Variants in NLRP1 observed in about 807,000 individuals in gnomAD.
NLRP1 encodes NLR family pyrin domain containing 1.
Under a neutral mutation model 136.7 loss-of-function variants are expected in NLRP1, and 94 were observed. That is an observed-to-expected ratio of 0.69 (90% CI 0.58 to 0.82). The LOEUF is 0.82. NLRP1 is among the 40% of genes least tolerant of loss of function. The pLI is 0.00. For synonymous variants in NLRP1, 690 were observed against 725.1 expected (o/e 0.95, Z 0.78); for missense variants, 1,575 against 1,802.7 (o/e 0.87, Z 2.29).
At chr17:5,506,391 G>A (rs1907336997) in intron 15 of NLRP1, among the ~76,000 whole-genome samples, 1 of 151,984 alleles carries the variant, frequency 6.6e-6, no homozygotes, top group Admixed American at 6.6e-5. Flanking sequence ...GTTAAGAACT[G>A]TGAGGATAAT....
intron 5 of NLRP1, among the ~76,000 whole-genome samples, chr17:5,550,565 T>C (rs1427876810): frequency 6.6e-6 from 1 of 152,186 alleles, no homozygotes; most frequent in African/African-American, 2.4e-5. Flanking sequence ...CTGATTTTAG[T>C]AATCTGAATC....
chr17:5,506,737 CA>C (rs776202533), intron 15 of NLRP1, among the ~76,000 whole-genome samples: 205 of 131,444 alleles, frequency 1.6e-3, no homozygotes, highest in Admixed American at 2.3e-3. Context: ...ACTAAAAATA[CA>C]AAAAAAAAAA....
intron 3 of NLRP1, among the ~76,000 whole-genome samples, chr17:5,572,104 T>G (rs910908289): frequency 1.3e-5 from 2 of 152,192 alleles, no homozygotes; most frequent in African/African-American, 4.8e-5. Context: ...CAATGGAAGA[T>G]GGATGAAAGT....
At position 5,555,017 on chromosome 17, in the gene NLRP1, T is replaced by TCACACACACA. The variant is rs55705436; in HGVS notation, c.2358-1471_2358-1462dup. Among the ~76,000 whole-genome samples, 431 of 142,430 alleles carry TCACACACACA rather than the reference T, an allele frequency of 3.0e-3. 6 individuals carry two copies. The highest frequency in any genetic ancestry group is 0.01 in the African/African-American group (382 of 37,514). 93.4% of individuals were successfully genotyped at this position (142,430 alleles called of 152,430 possible). On this transcript the variant is annotated intron_variant, in intron 4 of 16. Transcript: ENST00000572272. ...TCCTGGGAGACACAGTGAGATCCCA[T>TCACACACACA]CACACACACACACACACACACACAC...
At chr17:5,535,291 T>C (rs1910900591) in intron 8 of NLRP1, among the ~76,000 whole-genome samples, 1 of 151,912 alleles carries the variant, frequency 6.6e-6, no homozygotes, top group Non-Finnish European at 1.5e-5. Context: ...GAGTGGGGCC[T>C]GAGAATTTGC....
chr17:5,546,039 T>G (rs1316296567), intron 5 of NLRP1, among the ~76,000 whole-genome samples: 1 of 152,204 alleles, frequency 6.6e-6, no homozygotes, highest in Non-Finnish European at 1.5e-5. Flanking sequence ...GTATTGGACC[T>G]CTGTGAGGAG....
rs895035034 is a variant in NLRP1, at chr17:5,537,750, G to A, written c.2871-810C>T. On this transcript the variant is annotated intron_variant, in intron 7 of 16. Coordinates refer to ENST00000572272, the MANE Select transcript of NLRP1 (RefSeq NM_033004.4). This position sits in a 1 kb window ranked among gnomAD's most constrained non-coding sequence, Gnocchi z 4.5. ...TCCCGGCTCCAGGAGGGAAGGAGGT[G>A]GAAACCTACTCGGGACTCTAGAGAG... Among the ~76,000 whole-genome samples, 1 of 152,176 alleles carries A rather than the reference G, an allele frequency of 6.6e-6. No homozygotes were observed. Among genetic ancestry groups the A allele is most frequent in the Non-Finnish European group, 1.5e-5 (1 of 68,032 alleles).
At chr17:5,565,240 G>A (rs1915204287) in intron 3 of NLRP1, among the ~76,000 whole-genome samples, 2 of 152,184 alleles carry the variant, frequency 1.3e-5, no homozygotes, top group South Asian at 4.1e-4. Flanking sequence ...TATCAGTGAT[G>A]TTGAATGCCT....
At chr17:5,533,652 A>G (rs893582715) in intron 9 of NLRP1, among the ~76,000 whole-genome samples, 5 of 148,746 alleles carry the variant, frequency 3.4e-5, no homozygotes, top group African/African-American at 1.2e-4. Flanking sequence ...ACCCCGGTTC[A>G]GGGTTTGATA....
downstream of NLRP1, chr17:5,512,000 G>C (rs1425355588): frequency 5.6e-6 from 3 of 540,334 alleles, no homozygotes; most frequent in East Asian, 6.6e-5. Flanking sequence ...GGTTTAGAAA[G>C]TAACAATGAG....
intron 3 of NLRP1, among the ~76,000 whole-genome samples, chr17:5,581,396 A>G (rs934547546): frequency 1.3e-5 from 2 of 152,150 alleles, no homozygotes; most frequent in African/African-American, 4.8e-5. Flanking sequence ...AGCAATATTT[A>G]TCTCACGGAG....
chr17:5,538,185 GGTAA>G (rs1194780047), intron 7 of NLRP1, among the ~76,000 whole-genome samples: 3 of 152,130 alleles, frequency 2.0e-5, no homozygotes, highest in Non-Finnish European at 4.4e-5. Flanking sequence ...AGGAGCCGTG[GGTAA>G]GTGTCAAGAC....
chr17:5,527,480 G>A (rs1159221080), intron 12 of NLRP1, among the ~76,000 whole-genome samples: 1 of 152,130 alleles, frequency 6.6e-6, no homozygotes, highest in Non-Finnish European at 1.5e-5. Context: ...CTGGGGAGGG[G>A]TAGGGGTGTA....
chr17:5,574,821 C>T (rs530271286), intron 3 of NLRP1, among the ~76,000 whole-genome samples: 1 of 152,048 alleles, frequency 6.6e-6, no homozygotes, highest in East Asian at 1.9e-4. Flanking sequence ...GCCATCACGC[C>T]CGGCTAATTT....
chr17:5,512,597 T>G (rs1049218251), downstream of NLRP1: 3 of 484,776 alleles, frequency 6.2e-6, no homozygotes, highest in African/African-American at 5.8e-5. Context: ...GGGTGGGGCG[T>G]GAAGGACCCG....
At chr17:5,549,300 A>G (rs1227947009) in intron 5 of NLRP1, among the ~76,000 whole-genome samples, 2 of 151,116 alleles carry the variant, frequency 1.3e-5, no homozygotes, top group Non-Finnish European at 2.9e-5. Context: ...TTCTTTTTCA[A>G]CAGGGTCTCC....
At chr17:5,556,599 G>A (rs1208708439) in intron 4 of NLRP1, among the ~76,000 whole-genome samples, 1 of 151,470 alleles carries the variant, frequency 6.6e-6, no homozygotes, top group Admixed American at 6.6e-5. Flanking sequence ...ACAGAAAAAA[G>A]ACTGGGGTTC....
intron 11 of NLRP1, 79 bp downstream of exon 11, chr17:5,532,743 G>A (rs911902073): frequency 2.0e-5 from 27 of 1,323,154 alleles, no homozygotes; most frequent in African/African-American, 3.0e-5. Flanking sequence ...AGGGGGTGGC[G>A]CTGACTGTCT....
intron 12 of NLRP1, among the ~76,000 whole-genome samples, chr17:5,527,299 C>A (rs1320881328): frequency 6.6e-6 from 1 of 152,188 alleles, no homozygotes; most frequent in Non-Finnish European, 1.5e-5. Flanking sequence ...AGAAAGTTTA[C>A]GAATTCACGT....
Sources: allele counts gnomAD v4.1 joint callset (sites outside exome capture counted in the v4.1 genomes callset), GRCh38; gene constraint gnomAD v4.1.1; non-coding constraint Gnocchi (gnomAD v3.1); transcripts MANE v1.5; gene names NCBI Gene and HGNC (gene_info 2026-07-23, HGNC 2026-07-21).